The following AUTS2 variants were observed in gnomAD, a reference collection of about 807,000 sequenced individuals.
AUTS2 encodes the protein activator of transcription and developmental regulator AUTS2.
AUTS2 carries 17 observed loss-of-function variants against 112.4 expected under a neutral mutation model. The observed-to-expected ratio is 0.15, with a 90% CI of 0.10 to 0.23. The LOEUF (loss-of-function observed/expected upper bound fraction) is 0.23. Ranked by LOEUF, AUTS2 falls within the 10% of genes least tolerant of loss-of-function variation. AUTS2 has a pLI of 1.00. For missense variants in AUTS2, 1,510 were observed against 1,701.6 expected, an observed-to-expected ratio of 0.89 and a Z score of 1.98; for synonymous variants, 751 against 702.7, an observed-to-expected ratio of 1.07 and a Z score of -1.09.
intron 4 of AUTS2, among the ~76,000 whole-genome samples, chr7:70,417,410 A>G (rs556856678): frequency 6.6e-6 from 1 of 152,346 alleles, no homozygotes; most frequent in Non-Finnish European, 1.5e-5. Context: ...GTCATCCTTC[A>G]TACTGTCCCA....
intron 1 of AUTS2, among the ~76,000 whole-genome samples, chr7:69,824,165 G>C (rs1171111291): frequency 6.6e-6 from 1 of 152,086 alleles, no homozygotes; most frequent in Non-Finnish European, 1.5e-5. Flanking sequence ...TGTAATCCCA[G>C]CACTGTGGGA....
chr7:69,947,359 A>G (rs892426939), intron 2 of AUTS2, among the ~76,000 whole-genome samples: 1 of 152,210 alleles, frequency 6.6e-6, no homozygotes, highest in African/African-American at 2.4e-5. Context: ...TGGCGAGAAA[A>G]GCCACTGATC....
chr7:70,151,495 GAC>G (rs1394392758), intron 4 of AUTS2, among the ~76,000 whole-genome samples: 1 of 152,134 alleles, frequency 6.6e-6, no homozygotes, highest in African/African-American at 2.4e-5. Flanking sequence ...ATCTTTTTGA[GAC>G]AGTTTCATTC....
At chr7:70,331,610 G>A (rs1293999442) in intron 4 of AUTS2, among the ~76,000 whole-genome samples, 1 of 150,444 alleles carries the variant, frequency 6.6e-6, no homozygotes. Context: ...CACATAAAAA[G>A]CTTATCCACC....
At chr7:70,214,897 G>T (rs1562792185) in intron 4 of AUTS2, among the ~76,000 whole-genome samples, 1 of 152,176 alleles carries the variant, frequency 6.6e-6, no homozygotes, top group Non-Finnish European at 1.5e-5. Context: ...TTGAATCATA[G>T]TCTGAATTCT....
chr7:70,649,408 AAAGT>A (rs1302424501), intron 5 of AUTS2, among the ~76,000 whole-genome samples: 1 of 152,200 alleles, frequency 6.6e-6, no homozygotes. Flanking sequence ...AAAAAATAAA[AAAGT>A]AAGATGAATA....
intron 5 of AUTS2, among the ~76,000 whole-genome samples, chr7:70,520,678 G>T (rs1799606112): frequency 1.3e-5 from 2 of 152,178 alleles, no homozygotes; most frequent in Non-Finnish European, 2.9e-5. Context: ...TTACATGTGA[G>T]CACCGTGGAG....
At chr7:70,740,779 G>A (rs1041931043) in intron 6 of AUTS2, among the ~76,000 whole-genome samples, 1 of 152,118 alleles carries the variant, frequency 6.6e-6, no homozygotes, top group Admixed American at 6.6e-5. Flanking sequence ...ATGGCTAGAT[G>A]CTGTTTTGCA....
At chr7:70,206,935 GA>G (rs1810605412) in intron 4 of AUTS2, among the ~76,000 whole-genome samples, 1 of 151,890 alleles carries the variant, frequency 6.6e-6, no homozygotes, top group Non-Finnish European at 1.5e-5. Context: ...CCCAATGATT[GA>G]AAATATAAAA....
At chr7:70,643,545 T>C (rs1805973853) in intron 5 of AUTS2, among the ~76,000 whole-genome samples, 1 of 152,142 alleles carries the variant, frequency 6.6e-6, no homozygotes, top group African/African-American at 2.4e-5. Flanking sequence ...CACTCCAGTC[T>C]GGCAACAGAG....
intron 2 of AUTS2, among the ~76,000 whole-genome samples, chr7:70,012,182 AG>A (rs1324276325): frequency 6.6e-6 from 1 of 152,166 alleles, no homozygotes; most frequent in Non-Finnish European, 1.5e-5. Flanking sequence ...GTTAATGAGT[AG>A]GCACATTTGC....
At chr7:70,208,966 A>G (rs1810718344) in intron 4 of AUTS2, among the ~76,000 whole-genome samples, 1 of 152,146 alleles carries the variant, frequency 6.6e-6, no homozygotes. Flanking sequence ...TACGGAACTT[A>G]GTTCTAAATC....
At chr7:70,464,887 G>A (rs949845880) in intron 5 of AUTS2, among the ~76,000 whole-genome samples, 2 of 152,140 alleles carry the variant, frequency 1.3e-5, no homozygotes, top group African/African-American at 4.8e-5. Flanking sequence ...CTTTGGAGGA[G>A]CAAGTCCCGT....
At chr7:70,018,409 T>C (rs1316513369) in intron 2 of AUTS2, among the ~76,000 whole-genome samples, 1 of 152,206 alleles carries the variant, frequency 6.6e-6, no homozygotes, top group East Asian at 1.9e-4. Context: ...TATACCAGGA[T>C]CTAACGATCA....
intron 2 of AUTS2, among the ~76,000 whole-genome samples, chr7:70,052,552 G>A (rs939308262): frequency 2.0e-5 from 3 of 152,182 alleles, no homozygotes; most frequent in Non-Finnish European, 4.4e-5. Context: ...GCAGGCAAAG[G>A]ATTTGTTTGC....
At chr7:70,171,060 A>T (rs939523600) in intron 4 of AUTS2, among the ~76,000 whole-genome samples, 3 of 152,232 alleles carry the variant, frequency 2.0e-5, no homozygotes, top group Non-Finnish European at 4.4e-5. Flanking sequence ...TCTTGGGTCT[A>T]CTGCCAGGTT....
intron 6 of AUTS2, among the ~76,000 whole-genome samples, chr7:70,706,173 A>G (rs3923606): frequency 0.31 from 47,865 of 152,070 alleles, 7,811 homozygotes; most frequent in Middle Eastern, 0.43. Context: ...TACAACAACA[A>G]AAGTCTTATG....
intron 2 of AUTS2, among the ~76,000 whole-genome samples, chr7:70,073,762 T>C (rs1013680304): frequency 9.2e-5 from 14 of 152,286 alleles, no homozygotes; most frequent in African/African-American, 3.4e-4. Flanking sequence ...AGAAATGCCC[T>C]CCTTTGCTTC....
At chr7:70,704,387 A>C (rs1036755401) in intron 6 of AUTS2, among the ~76,000 whole-genome samples, 1 of 152,256 alleles carries the variant, frequency 6.6e-6, no homozygotes, top group Middle Eastern at 3.4e-3. Flanking sequence ...AACCCATTCC[A>C]TTCTTTTAGT....
Sources: allele counts gnomAD v4.1 joint callset (sites outside exome capture counted in the v4.1 genomes callset), GRCh38; gene constraint gnomAD v4.1.1; transcripts MANE v1.5; gene names NCBI Gene and HGNC (gene_info 2026-07-23, HGNC 2026-07-21).